ZFHX4: variants seen among roughly 807,000 people sequenced by gnomAD.
The protein encoded by ZFHX4 is zinc finger homeobox protein 4.
Under a neutral mutation model 267.6 loss-of-function variants are expected in ZFHX4, and 56 were observed. The observed-to-expected ratio is 0.21, with a 90% CI of 0.17 to 0.26. The LOEUF (loss-of-function observed/expected upper bound fraction) is 0.26. Among genes scored for constraint, ZFHX4 ranks in the 10% least tolerant of loss-of-function variants. The pLI is 1.00. For missense variants in ZFHX4, 4,332 were observed against 4,420.0 expected, an observed-to-expected ratio of 0.98 and a Z score of 0.56; for synonymous variants, 1,778 against 1,665.6, an observed-to-expected ratio of 1.07 and a Z score of -1.64.
chr8:76,758,757 G>T (rs1809832596), intron 3 of ZFHX4, among the ~76,000 whole-genome samples: 1 of 152,110 alleles, frequency 6.6e-6, no homozygotes, highest in Admixed American at 6.6e-5. Context: ...GCCCCCCAAA[G>T]TGCTGGGATT....
Position 76,852,821 on chromosome 8 carries a change from A to T in ZFHX4, c.5900A>T (p.His1967Leu). The change falls in exon 10 of 11, where the codon CAT (histidine) becomes CTT (leucine). Residue 1967 changes from histidine (H) to leucine (L), a missense_variant. Around this residue, in one of 7 missense-constraint regions of ZFHX4, gnomAD observed 1,371 missense variants for 1,423.1 expected, o/e 0.96. Transcript: ENST00000651372. ...NVLILKSHQE[H>L]VHGQFFPYAA... Reference sequence around the variant, plus strand: ...CTTATTTTAAAGAGTCACCAAGAACATGTACATGGGCAATTTTTTCCATAT... The same window carrying T: ...CTTATTTTAAAGAGTCACCAAGAACTTGTACATGGGCAATTTTTTCCATAT... The T allele has an allele frequency of 6.2e-7, 1 of 1,613,886 alleles. No homozygotes were observed.
Position 76,855,833 on chromosome 8 carries a change from G to C in ZFHX4, c.8912G>C (p.Arg2971Pro), listed in dbSNP as rs765124618. Residue 2971 changes from arginine to proline, a missense_variant, in exon 10 of 11, where the codon CGC (arginine) becomes CCC (proline). Around this residue, in one of 7 missense-constraint regions of ZFHX4, gnomAD observed 1,648 missense variants for 1,625.0 expected, o/e 1.01. Transcript: ENST00000651372. ...MLGNEIGLPK[R>P]VVQVWFQNAR... is the part of the protein sequence containing the mutation. Reference sequence around the variant, plus strand: ...GGGAATGAGATTGGTCTGCCCAAACGCGTAGTCCAGGTGTGGTTCCAAAAT... The same window carrying C: ...GGGAATGAGATTGGTCTGCCCAAACCCGTAGTCCAGGTGTGGTTCCAAAAT... The C allele has an allele frequency of 3.0e-5, 48 of 1,613,754 alleles. No individual in the cohort carries two copies. Among genetic ancestry groups the C allele is most frequent in the Non-Finnish European group, 5.9e-6 (7 of 1,179,872 alleles).
chr8:76,799,263 C>A (rs1811058943), intron 4 of ZFHX4, among the ~76,000 whole-genome samples: 1 of 152,144 alleles, frequency 6.6e-6, no homozygotes, highest in Non-Finnish European at 1.5e-5. Flanking sequence ...TTTTCAGCAT[C>A]AATTAATTTT....
rs1808327807 is a variant in ZFHX4 at position 76,708,057 on chromosome 8, T to A, written c.3093+9T>A. Reference sequence around the variant, plus strand: ...CCCTGAAGCTCTACAAGGTAAGCAGTGACATCCATTTCCGTTGGCACAGAG... The same window carrying A: ...CCCTGAAGCTCTACAAGGTAAGCAGAGACATCCATTTCCGTTGGCACAGAG... On this transcript the variant is annotated intron_variant, in intron 3 of 10. Transcript: ENST00000651372. 1 of 1,612,180 alleles carries A rather than the reference T, an allele frequency of 6.2e-7. No homozygotes were observed. The highest frequency in any genetic ancestry group is 8.5e-7 in the Non-Finnish European group (1 of 1,179,848).
At chr8:76,767,044 GGTGTGTGT>G (rs34640815) in intron 3 of ZFHX4, among the ~76,000 whole-genome samples, 4 of 146,830 alleles carry the variant, frequency 2.7e-5, no homozygotes, top group African/African-American at 7.5e-5. Context: ...CTCATAAAGG[GGTGTGTGT>G]GTGTGTGTGT....
At chr8:76,755,967 A>AT (rs781264495) in intron 3 of ZFHX4, among the ~76,000 whole-genome samples, 4 of 152,298 alleles carry the variant, frequency 2.6e-5, no homozygotes, top group Non-Finnish European at 5.9e-5. Flanking sequence ...CTCTAATGTT[A>AT]TTTCCATCAA....
At chr8:76,785,781 A>G (rs925837658) in intron 4 of ZFHX4, among the ~76,000 whole-genome samples, 46 of 152,278 alleles carry the variant, frequency 3.0e-4, no homozygotes, top group South Asian at 1.9e-3. Context: ...AAGAATTTAG[A>G]TTAAGGTGGC....
chr8:76,814,891 G>C (rs2733726), intron 4 of ZFHX4, among the ~76,000 whole-genome samples: 9,504 of 152,168 alleles, frequency 0.062, 355 homozygotes, highest in South Asian at 0.078. Flanking sequence ...TTGTGCTTCT[G>C]TTCTTTGAGG....
chr8:76,826,752 A>G (rs1811795744), intron 4 of ZFHX4, among the ~76,000 whole-genome samples: 1 of 152,224 alleles, frequency 6.6e-6, no homozygotes, highest in African/African-American at 2.4e-5. Context: ...CAGTTAAGTA[A>G]TAGGAGTAAG....
rs1301986134 is a variant in ZFHX4, at chr8:76,842,740, T to C, written c.3480T>C (p.Asn1160=). 6.4e-6 allele frequency: 10 copies of C among 1,553,154 alleles called. No homozygotes were observed. The highest frequency in any genetic ancestry group is 8.7e-6 in the Non-Finnish European group (10 of 1,147,878). ...DDEKDTSERD[N]SEGKNSNKDS... ...AAAAAGACACAAGTGAGAGAGACAATAGTGAAGGCAAAAACTCTAATAAAG... is the reference window on the plus strand; with the variant it reads ...AAAAAGACACAAGTGAGAGAGACAACAGTGAAGGCAAAAACTCTAATAAAG... The change falls in exon 6 of 11, where the codon AAT becomes AAC. Residue 1160 remains asparagine, a synonymous_variant. Transcript: ENST00000651372.
intron 1 of ZFHX4, among the ~76,000 whole-genome samples, chr8:76,699,368 A>C (rs1808041809): frequency 6.6e-6 from 1 of 152,090 alleles, no homozygotes; most frequent in East Asian, 1.9e-4. Context: ...CCTTCTTGCT[A>C]ATGTTTTTAA....
At chr8:76,699,117 G>A (rs1005660887) in intron 1 of ZFHX4, among the ~76,000 whole-genome samples, 1 of 152,112 alleles carries the variant, frequency 6.6e-6, no homozygotes, top group Admixed American at 6.6e-5. Flanking sequence ...AAAAATTACA[G>A]CTTTTCTGTT....
At chr8:76,793,140 C>T (rs1005686483) in intron 4 of ZFHX4, among the ~76,000 whole-genome samples, 2 of 152,050 alleles carry the variant, frequency 1.3e-5, no homozygotes, top group African/African-American at 4.8e-5. Flanking sequence ...CTGCTTCTGC[C>T]TCATGTGAAG....
intron 3 of ZFHX4, among the ~76,000 whole-genome samples, chr8:76,774,849 G>C (rs1483691716): frequency 6.6e-6 from 1 of 151,976 alleles, no homozygotes; most frequent in Non-Finnish European, 1.5e-5. Context: ...TTATTTTAGG[G>C]ATAGATGAAA....
intron 3 of ZFHX4, among the ~76,000 whole-genome samples, chr8:76,753,635 T>G (rs1201373667): frequency 7.0e-6 from 1 of 143,040 alleles, no homozygotes; most frequent in African/African-American, 2.6e-5. Context: ...AGGCCTTTTT[T>G]TTTTTTTTTT....
intron 3 of ZFHX4, among the ~76,000 whole-genome samples, chr8:76,761,443 G>A (rs1809910220): frequency 1.3e-5 from 2 of 152,164 alleles, no homozygotes; most frequent in African/African-American, 4.8e-5. Flanking sequence ...TAGTGGCCAT[G>A]CCTCAGCTTT....
intron 3 of ZFHX4, among the ~76,000 whole-genome samples, chr8:76,719,382 CA>C (rs774688044): frequency 2.0e-5 from 3 of 151,954 alleles, no homozygotes; most frequent in Non-Finnish European, 4.4e-5. Flanking sequence ...CAAGACTCGT[CA>C]AGAAGCACTG....
rs779054538 is a variant in ZFHX4, at chr8:76,814,053, G to A, written c.3326-19285G>A. ...ATAACCGTCATCATGCTATTCTTCCGTAACATTGTCTTTTTTTATTTAAAA... is the reference window on the plus strand; with the variant it reads ...ATAACCGTCATCATGCTATTCTTCCATAACATTGTCTTTTTTTATTTAAAA... On this transcript the variant is annotated intron_variant, in intron 4 of 10. Transcript: ENST00000651372. Among the ~76,000 whole-genome samples, 14 of 151,910 alleles carry A rather than the reference G, an allele frequency of 9.2e-5. No homozygotes were observed. The East Asian group carries it at 1.7e-3, about 19-fold the overall frequency.
intron 1 of ZFHX4, among the ~76,000 whole-genome samples, chr8:76,696,998 C>G (rs1217083909): frequency 6.6e-6 from 1 of 151,858 alleles, no homozygotes; most frequent in African/African-American, 2.4e-5. Context: ...GGAATGTTTG[C>G]TGGTGTACTT....
Sources: allele counts gnomAD v4.1 joint callset (sites outside exome capture counted in the v4.1 genomes callset), GRCh38; gene constraint gnomAD v4.1.1; regional missense constraint gnomAD v4.1.1; transcripts MANE v1.5; gene names NCBI Gene and HGNC (gene_info 2026-07-23, HGNC 2026-07-21).